The following RBBP5 variants were observed in gnomAD, a reference collection of about 807,000 sequenced individuals.
RBBP5 encodes the protein RB binding protein 5, histone lysine methyltransferase complex subunit.
A neutral mutation model predicts 72.2 loss-of-function variants in RBBP5; 5 were observed. The ratio of observed to expected loss-of-function variants is 0.07; its 90% CI spans 0.04 to 0.15. RBBP5 has a LOEUF of 0.15. Among genes scored for constraint, RBBP5 ranks in the 10% least tolerant of loss-of-function variants. The pLI is 1.00. For missense variants in RBBP5, 322 were observed against 652.2 expected (o/e 0.49, Z 5.51); for synonymous variants, 209 against 237.2 (o/e 0.88, Z 1.09).
chr1:205,109,877 G>T (rs1036497565), intron 3 of RBBP5, among the ~76,000 whole-genome samples: 1 of 151,940 alleles, frequency 6.6e-6, no homozygotes, highest in African/African-American at 2.4e-5. Context: ...CCTAACAAGG[G>T]GGGTGGCAAG....
intron 1 of RBBP5, among the ~76,000 whole-genome samples, chr1:205,117,277 C>T (rs1656564055): frequency 6.6e-6 from 1 of 152,030 alleles, no homozygotes; most frequent in African/African-American, 2.4e-5. Context: ...TGGTCTCAAA[C>T]TTCTGACCTC....
chr1:205,113,197 C>T (rs2185686), intron 3 of RBBP5, among the ~76,000 whole-genome samples: 121,575 of 152,054 alleles, frequency 0.8, 49,797 homozygotes, highest in East Asian at 0.97. Context: ...TACTAGTTAT[C>T]TCTATTTTGT....
rs372276846 is a variant in RBBP5, at chr1:205,093,374, C to A, written c.1588+1499G>T. On this transcript the variant is annotated intron_variant, in intron 13 of 13. Transcript: ENST00000264515. ...TACTCAGGAAGCTAGGCAAGAGAATCACTTGAACCAGGAGGCAGAGGTTGC... is the reference window on the plus strand; with the variant it reads ...TACTCAGGAAGCTAGGCAAGAGAATAACTTGAACCAGGAGGCAGAGGTTGC... 2.0e-5 allele frequency among the ~76,000 whole-genome samples: 3 copies of A among 146,656 alleles called. No homozygotes were observed. In the South Asian group the frequency reaches 6.6e-4, roughly 32 times the overall value.
In RBBP5 at chr1:205,087,527, T is replaced by G. The variant is rs1655180487; in HGVS notation, c.*1260A>C. 1 of 136,888 alleles carries G rather than the reference T, an allele frequency of 7.3e-6. No homozygotes were observed. The allele number at this position is 136,888 out of a possible 1,614,324, so 8.5% of individuals were successfully genotyped here. On this transcript the variant is annotated 3_prime_UTR_variant, in exon 14 of 14. Coordinates refer to ENST00000264515, the MANE Select transcript of RBBP5 (RefSeq NM_005057.4). ...CTGATATATTTCACAGTAAGCACAG[T>G]ATTTAAATTCTCCTTTTAAAATATT...
chr1:205,100,084 C>T lies in RBBP5; in HGVS notation c.753-20G>A, dbSNP rs1430252414. On this transcript the variant is annotated intron_variant, in intron 7 of 13. Coordinates refer to ENST00000264515, the MANE Select transcript of RBBP5 (RefSeq NM_005057.4). ...GGGGTCCTAAAGGACAAGGAAAGTA[C>T]CAAGGAGAGCTGGAACTCAAGCCCA... 1 of 1,613,420 alleles carries T rather than the reference C, an allele frequency of 6.2e-7. No individual in the cohort carries two copies. Among genetic ancestry groups the T allele is most frequent in the South Asian group, 1.1e-5 (1 of 91,066 alleles).
intron 13 of RBBP5, among the ~76,000 whole-genome samples, chr1:205,092,411 A>G (rs918649955): frequency 2.6e-5 from 4 of 151,452 alleles, no homozygotes; most frequent in Non-Finnish European, 5.9e-5. Flanking sequence ...AGCCTCCCCA[A>G]GTGCTGGGAT....
At chr1:205,104,510 G>A (rs1017609494) in intron 4 of RBBP5, among the ~76,000 whole-genome samples, 4 of 149,880 alleles carry the variant, frequency 2.7e-5, no homozygotes, top group Admixed American at 1.3e-4. Context: ...GCGTCGCAGC[G>A]AGACTCCATC....
intron 6 of RBBP5, among the ~76,000 whole-genome samples, 168 bp from the exon 7 acceptor site, chr1:205,100,439 A>G (rs549254882): frequency 6.6e-6 from 1 of 152,320 alleles, no homozygotes; most frequent in South Asian, 2.1e-4. Context: ...TTAAGTGGGA[A>G]TATGTTTTAT....
At chr1:205,112,968 T>G (rs187425742) in intron 3 of RBBP5, among the ~76,000 whole-genome samples, 1 of 152,030 alleles carries the variant, frequency 6.6e-6, no homozygotes, top group Admixed American at 6.6e-5. Flanking sequence ...ATAAAAAATT[T>G]TTTAAAATTA....
intron 4 of RBBP5, 21 bp downstream of exon 4, chr1:205,105,007 A>G: frequency 1.2e-6 from 2 of 1,611,698 alleles, no homozygotes; most frequent in South Asian, 2.2e-5. Flanking sequence ...CCACCCCAGG[A>G]GAGAAATAGC....
chr1:205,106,565 T>C (rs1377923378), intron 3 of RBBP5, among the ~76,000 whole-genome samples: 13 of 135,658 alleles, frequency 9.6e-5, no homozygotes, highest in Non-Finnish European at 2.3e-4. Flanking sequence ...GCCACTGGGC[T>C]CCAGCCTAGG....
At chr1:205,094,800 G>C in intron 13 of RBBP5, 73 bp downstream of exon 13, 1 of 1,411,968 alleles carries the variant, frequency 7.1e-7, no homozygotes, top group Non-Finnish European at 9.5e-7. Context: ...AAATGTTGCA[G>C]TTAAATGAAG....
intron 10 of RBBP5, 145 bp from the exon 11 acceptor site, chr1:205,097,540 A>T: frequency 1.2e-6 from 1 of 812,456 alleles, no homozygotes. Flanking sequence ...TTTAACAAAT[A>T]TGTGCTGAAT....
intron 13 of RBBP5, among the ~76,000 whole-genome samples, chr1:205,089,607 A>G (rs965353546): frequency 1.3e-5 from 2 of 152,246 alleles, no homozygotes; most frequent in Non-Finnish European, 2.9e-5. Context: ...ACCCATTTAT[A>G]TAACTTTGAT....
chr1:205,097,675 T>C (rs1449159719), intron 10 of RBBP5, among the ~76,000 whole-genome samples: 2 of 152,202 alleles, frequency 1.3e-5, no homozygotes, highest in Non-Finnish European at 2.9e-5. Context: ...AATACAGTAA[T>C]GGTATGTGTA....
At chr1:205,098,714 A>G (rs1655707480) in intron 10 of RBBP5, among the ~76,000 whole-genome samples, 2 of 151,954 alleles carry the variant, frequency 1.3e-5, no homozygotes, top group Non-Finnish European at 2.9e-5. Flanking sequence ...GAGTGGTGGC[A>G]GGCACCTGTA....
chr1:205,118,453 T>TA lies in RBBP5; in HGVS notation c.20-2571dup, dbSNP rs78481989. 1.2e-4 allele frequency among the ~76,000 whole-genome samples: 18 copies of TA among 147,778 alleles called. No individual in the cohort carries two copies. In the South Asian group the frequency reaches 1.5e-3, roughly 12 times the overall value. ...GGTGAAACCCTGTCTCTACTAAAAA[T>TA]AAAAAAAAAATTAGTTGGGCATGGT... On this transcript the variant is annotated intron_variant, in intron 1 of 13. Coordinates refer to ENST00000264515, the MANE Select transcript of RBBP5 (RefSeq NM_005057.4).
rs893089104 is a variant in RBBP5 at position 205,114,981 on chromosome 1, C to T, written c.46-20G>A. The T allele has an allele frequency of 3.8e-6, 6 of 1,571,026 alleles. No individual in the cohort carries two copies. The African/African-American group carries it at 6.8e-5, about 18-fold the overall frequency. On this transcript the variant is annotated intron_variant, in intron 2 of 13. Coordinates refer to ENST00000264515, the MANE Select transcript of RBBP5 (RefSeq NM_005057.4). ...AGCTTCCTAAAAATTGAAACAAATACAAGAATAGAGGCAACAATAGCCAGG... is the reference window on the plus strand; with the variant it reads ...AGCTTCCTAAAAATTGAAACAAATATAAGAATAGAGGCAACAATAGCCAGG...
chr1:205,093,700 C>G (rs1442949897), intron 13 of RBBP5, among the ~76,000 whole-genome samples: 1 of 150,786 alleles, frequency 6.6e-6, no homozygotes, highest in Non-Finnish European at 1.5e-5. Flanking sequence ...GTTGGGCTAT[C>G]AAAAACTAAA....
Sources: gnomAD v4.1 joint callset for allele counts (sites outside exome capture counted in the v4.1 genomes callset) on GRCh38, gnomAD v4.1.1 for gene constraint, MANE v1.5 for transcripts, NCBI Gene and HGNC (gene_info 2026-07-23, HGNC 2026-07-21) for gene names.